The following VPS13B variants were observed in gnomAD, a reference collection of about 807,000 sequenced individuals.
VPS13B encodes the protein intermembrane lipid transfer protein VPS13B.
In VPS13B, 285 loss-of-function variants were observed where a neutral mutation model predicts 426.4. The ratio of observed to expected loss-of-function variants is 0.67; its 90% confidence interval spans 0.61 to 0.74. The LOEUF is 0.74. VPS13B is among the 30% of genes least tolerant of loss of function. VPS13B has a pLI of 0.00. For synonymous variants in VPS13B, 1,676 were observed against 1,676.4 expected (o/e 1.00, Z 0.01); for missense variants, 4,537 against 4,782.6 (o/e 0.95, Z 1.51).
intron 12 of VPS13B, among the ~76,000 whole-genome samples, chr8:99,137,126 A>C (rs1810111681): frequency 6.6e-6 from 1 of 152,150 alleles, no homozygotes; most frequent in Non-Finnish European, 1.5e-5. Context: ...GTGTTGTATC[A>C]ATCAGAAAAA....
At chr8:99,366,013 CAT>C (rs769824552) in intron 19 of VPS13B, among the ~76,000 whole-genome samples, 1 of 151,238 alleles carries the variant, frequency 6.6e-6, no homozygotes, top group Non-Finnish European at 1.5e-5. Context: ...TGTGACCTAA[CAT>C]GTGATTTGTC....
intron 39 of VPS13B, among the ~76,000 whole-genome samples, chr8:99,742,270 A>G (rs931582913): frequency 1.2e-4 from 19 of 152,298 alleles, no homozygotes; most frequent in Non-Finnish European, 2.1e-4. Context: ...CCAAGACTAA[A>G]CCAGGAAGAA....
intron 4 of VPS13B, among the ~76,000 whole-genome samples, chr8:99,100,293 A>AT (rs1334345751): frequency 1.8e-4 from 28 of 151,806 alleles, no homozygotes; most frequent in Non-Finnish European, 1.5e-4. Flanking sequence ...AAAGAAAAAA[A>AT]AATATATATA....
chr8:99,301,889 A>G (rs1820386916), intron 19 of VPS13B, among the ~76,000 whole-genome samples: 1 of 152,114 alleles, frequency 6.6e-6, no homozygotes. Context: ...GGCCTCCCCA[A>G]ATGCTGGGAT....
chr8:99,724,292 C>T (rs1047440315), intron 39 of VPS13B, among the ~76,000 whole-genome samples: 1 of 152,172 alleles, frequency 6.6e-6, no homozygotes, highest in Non-Finnish European at 1.5e-5. Context: ...AGGGAAATTT[C>T]TGTGGTCGTG....
chr8:99,544,325 CAG>C (rs1823822757), intron 30 of VPS13B, among the ~76,000 whole-genome samples: 2 of 151,500 alleles, frequency 1.3e-5, no homozygotes, highest in South Asian at 4.2e-4. Flanking sequence ...GGGTGGGGGT[CAG>C]GGGGAGGGAT....
chr8:99,030,860 T>G lies in VPS13B; in HGVS notation c.148-7563T>G, dbSNP rs146053331. ...ATTAATCTTAATTTTATTAATTTAG[T>G]AGTGTACTAATTTGATACTAATTTA... On this transcript the variant is annotated intron_variant, in intron 2 of 61. Coordinates refer to ENST00000357162, the MANE Select transcript of VPS13B (RefSeq NM_152564.5). 4.6e-5 allele frequency among the ~76,000 whole-genome samples: 7 copies of G among 152,326 alleles called. No individual in the cohort carries two copies. In the East Asian group the frequency reaches 1.3e-3, roughly 29 times the overall value.
intron 19 of VPS13B, among the ~76,000 whole-genome samples, chr8:99,340,005 A>G (rs1240461115): frequency 1.3e-5 from 2 of 152,226 alleles, no homozygotes; most frequent in African/African-American, 4.8e-5. Flanking sequence ...TAACCTATGT[A>G]TACTTTCATG....
At chr8:99,752,073 T>C (rs1422640536) in intron 39 of VPS13B, among the ~76,000 whole-genome samples, 1 of 152,134 alleles carries the variant, frequency 6.6e-6, no homozygotes, top group Non-Finnish European at 1.5e-5. Flanking sequence ...TGGACTGGGT[T>C]TGTGGCATGC....
intron 14 of VPS13B, among the ~76,000 whole-genome samples, chr8:99,154,037 G>T (rs1811218266): frequency 6.6e-6 from 1 of 151,604 alleles, no homozygotes; most frequent in African/African-American, 2.4e-5. Context: ...TGGAGGTCAG[G>T]TATAATTCAT....
At chr8:99,249,312 T>C (rs1817381879) in intron 17 of VPS13B, among the ~76,000 whole-genome samples, 1 of 152,228 alleles carries the variant, frequency 6.6e-6, no homozygotes, top group Non-Finnish European at 1.5e-5. Flanking sequence ...TTTTTGGCTA[T>C]TACGATAAAG....
intron 39 of VPS13B, among the ~76,000 whole-genome samples, chr8:99,744,978 AAAG>A (rs1810006267): frequency 6.6e-6 from 1 of 152,210 alleles, no homozygotes. Context: ...AATAAAAAAA[AAAG>A]AACCTATCAG....
At chr8:99,656,465 T>C (rs1258224045) in intron 34 of VPS13B, among the ~76,000 whole-genome samples, 2 of 152,238 alleles carry the variant, frequency 1.3e-5, no homozygotes, top group African/African-American at 2.4e-5. Flanking sequence ...TGTTTGTCAC[T>C]CCATTTATAT....
At chr8:99,017,424 A>C (rs1841678033) in intron 2 of VPS13B, among the ~76,000 whole-genome samples, 1 of 152,012 alleles carries the variant, frequency 6.6e-6, no homozygotes, top group South Asian at 2.1e-4. Flanking sequence ...AATTAGTACA[A>C]CTTTGTTCTT....
At chr8:99,290,052 C>T (rs907970427) in intron 19 of VPS13B, among the ~76,000 whole-genome samples, 1 of 151,948 alleles carries the variant, frequency 6.6e-6, no homozygotes, top group African/African-American at 2.4e-5. Flanking sequence ...TGGCCATTTT[C>T]AGGTGACCAT....
chr8:99,013,432 G>A (rs1180209311), intron 1 of VPS13B, 85 bp downstream of exon 1: 1 of 355,540 alleles, frequency 2.8e-6, no homozygotes, highest in Non-Finnish European at 5.4e-6. Flanking sequence ...ATCCGGCTGG[G>A]TTCCGGGAAG....
Position 99,832,606 on chromosome 8 carries a change from G to A in VPS13B, c.9568G>A (p.Val3190Met). ...IVRPEFPRQS[V>M]AVPLGNFREN... ...TAGACCAGAGTTTCCCAGACAGAGT[G>A]TGGCAGTACCCCTCGGGAATTTCCG... is the stretch of plus-strand genomic sequence containing the variant. The change falls in exon 52 of 62, where the codon GTG (valine) becomes ATG (methionine). Residue 3190 changes from valine (V) to methionine (M), a missense_variant. By Grantham distance (21) the Val-to-Met change is conservative. This residue lies in a region of VPS13B where 4,311 missense variants were observed against 4,474.3 expected (regional missense o/e 0.96). Coordinates refer to ENST00000357162, the MANE Select transcript of VPS13B (RefSeq NM_152564.5). 1 of 1,613,936 alleles carries A rather than the reference G, an allele frequency of 6.2e-7. No individual in the cohort carries two copies. The highest frequency in any genetic ancestry group is 1.1e-5 in the South Asian group (1 of 91,066).
intron 19 of VPS13B, among the ~76,000 whole-genome samples, chr8:99,363,595 T>G (rs62534575): frequency 3.9e-5 from 6 of 152,214 alleles, no homozygotes; most frequent in South Asian, 2.1e-4. Flanking sequence ...ATTCTTCTAA[T>G]CCATGAACAT....
At chr8:99,547,656 GTCT>G (rs1277697542) in intron 30 of VPS13B, among the ~76,000 whole-genome samples, 5 of 152,118 alleles carry the variant, frequency 3.3e-5, no homozygotes, top group Admixed American at 1.3e-4. Flanking sequence ...TATACTTAAA[GTCT>G]TCTTTGGTTC....
Sources: gnomAD v4.1 joint callset for allele counts (sites outside exome capture counted in the v4.1 genomes callset) on GRCh38, gnomAD v4.1.1 for gene constraint, gnomAD v4.1.1 regional missense constraint, MANE v1.5 for transcripts, NCBI Gene and HGNC (gene_info 2026-07-23, HGNC 2026-07-21) for gene names.